RMST: variants seen among roughly 807,000 people sequenced by gnomAD.
RMST encodes long intergenic non-protein coding RNA 54.
intron 11 of RMST, among the ~76,000 whole-genome samples, chr12:97,552,999 A>G (rs1477010977): frequency 6.6e-6 from 1 of 152,184 alleles, no homozygotes; most frequent in Non-Finnish European, 1.5e-5. Context: ...GCCTACCAGC[A>G]TTTCAACACT....
intron 11 of RMST, among the ~76,000 whole-genome samples, chr12:97,548,687 A>T (rs1424965417): frequency 6.6e-6 from 1 of 152,058 alleles, no homozygotes; most frequent in African/African-American, 2.4e-5. Context: ...GCTAATTTTT[A>T]TATGGTAACT....
chr12:97,475,585 T>TG (rs1184891631), intron 5 of RMST, among the ~76,000 whole-genome samples: 10 of 119,840 alleles, frequency 8.3e-5, no homozygotes, highest in South Asian at 2.5e-4. Context: ...ATCTTTTTTT[T>TG]TGTTTTTTTT....
rs550301507 is a variant in RMST at position 97,512,398 on chromosome 12, C to G, written n.1340+16342C>G. ...CCGAGCCGGTTAACACTGCTGGCTC[C>G]GGCAGCCTGCTTTTATTCTCTTATC... On this transcript the variant is annotated intron_variant and non_coding_transcript_variant, in intron 10 of 13. Coordinates refer to ENST00000640149, the Ensembl canonical transcript of RMST. Among the ~76,000 whole-genome samples, 746 of 152,272 alleles carry G rather than the reference C, an allele frequency of 4.9e-3. 6 individuals are homozygous for G. The highest frequency in any genetic ancestry group is 0.017 in the African/African-American group (714 of 41,550).
chr12:97,546,347 C>T (rs1882929280), intron 11 of RMST, among the ~76,000 whole-genome samples: 1 of 152,004 alleles, frequency 6.6e-6, no homozygotes, highest in Non-Finnish European at 1.5e-5. Flanking sequence ...TTTGGGAGGC[C>T]AAAGTGGGTG....
At chr12:97,474,916 A>C (rs1219872595) in intron 5 of RMST, among the ~76,000 whole-genome samples, 2 of 152,186 alleles carry the variant, frequency 1.3e-5, no homozygotes, top group Non-Finnish European at 2.9e-5. Flanking sequence ...TCTTTGGTAC[A>C]TCTCCAGTGT....
At chr12:97,537,043 T>C (rs1297550418) in intron 11 of RMST, among the ~76,000 whole-genome samples, 2 of 151,584 alleles carry the variant, frequency 1.3e-5, no homozygotes, top group East Asian at 3.9e-4. Context: ...CTAAAGGGCA[T>C]TGTGTAGAAT....
intron 11 of RMST, among the ~76,000 whole-genome samples, chr12:97,550,656 G>A (rs1366127895): frequency 6.6e-6 from 1 of 151,950 alleles, no homozygotes; most frequent in Non-Finnish European, 1.5e-5. Flanking sequence ...ATTTCTGTAG[G>A]ATCTCTATTT....
chr12:97,506,689 T>C (rs951409085), intron 10 of RMST, among the ~76,000 whole-genome samples: 1 of 145,404 alleles, frequency 6.9e-6, no homozygotes, highest in African/African-American at 2.6e-5. Flanking sequence ...TTTTTTTTTT[T>C]TTTTTTTTTT....
chr12:97,552,258 C>A (rs184229705), intron 11 of RMST: 112 of 152,234 alleles, frequency 7.4e-4, no homozygotes, highest in Admixed American at 1.4e-3. Flanking sequence ...TTGATGTTTT[C>A]TTCCAGAACT....
chr12:97,483,685 C>T lies in RMST; in HGVS notation n.645-8776C>T, dbSNP rs140175970. Among the ~76,000 whole-genome samples, 544 of 152,184 alleles carry T rather than the reference C, an allele frequency of 3.6e-3. 4 individuals carry two copies. The highest frequency in any genetic ancestry group is 0.012 in the African/African-American group (505 of 41,532). ...TAAAAAATACTTGTAAAAATAATAGCTATATTGAAATTTAAATAGTGAAAA... is the reference window on the plus strand; with the variant it reads ...TAAAAAATACTTGTAAAAATAATAGTTATATTGAAATTTAAATAGTGAAAA... On this transcript the variant is annotated intron_variant and non_coding_transcript_variant, in intron 5 of 13. Transcript: ENST00000640149.
chr12:97,544,548 T>C (rs895874996), intron 11 of RMST, among the ~76,000 whole-genome samples: 5 of 152,044 alleles, frequency 3.3e-5, no homozygotes, highest in Non-Finnish European at 7.4e-5. Context: ...TTCAGGGGTG[T>C]ATTTGTGTAC....
chr12:97,495,626 G>A (rs1419792782), intron 9 of RMST, among the ~76,000 whole-genome samples: 1 of 152,020 alleles, frequency 6.6e-6, no homozygotes, highest in Non-Finnish European at 1.5e-5. Context: ...ATCCATGTCT[G>A]AGCAACGTGA....
intron 11 of RMST, among the ~76,000 whole-genome samples, chr12:97,547,057 C>T (rs1194657497): frequency 6.6e-6 from 1 of 151,710 alleles, no homozygotes; most frequent in Non-Finnish European, 1.5e-5. Flanking sequence ...GTTTGTCTTT[C>T]TGTGCCTGGC....
At chr12:97,500,209 A>G (rs919326521) in intron 10 of RMST, among the ~76,000 whole-genome samples, 4 of 152,176 alleles carry the variant, frequency 2.6e-5, no homozygotes, top group Non-Finnish European at 5.9e-5. Flanking sequence ...TAAGAGAAGA[A>G]ACGTCCGCTG....
intron 11 of RMST, among the ~76,000 whole-genome samples, chr12:97,555,067 C>T (rs1883602948): frequency 6.6e-6 from 1 of 152,142 alleles, no homozygotes. Flanking sequence ...TAAACCTTTG[C>T]AGGGTTGGAA....
chr12:97,563,939 A>G (rs938659114), intron 13 of RMST: 1 of 486,650 alleles, frequency 2.1e-6, no homozygotes, highest in African/African-American at 2.0e-5. Context: ...ATCAGTATAG[A>G]GAACGTTAGC....
At chr12:97,541,001 T>G (rs139578064) in intron 11 of RMST, among the ~76,000 whole-genome samples, 7 of 148,064 alleles carry the variant, frequency 4.7e-5, no homozygotes, top group African/African-American at 1.5e-4. Flanking sequence ...CAAGTCCTTT[T>G]TGTCCCAGGT....
rs138863256 is a variant in RMST at position 97,556,332 on chromosome 12, A to G, written n.1546-4205A>G. Among the ~76,000 whole-genome samples the G allele has an allele frequency of 8.5e-3, 1,290 of 152,282 alleles. 20 individuals are homozygous for G. The highest frequency in any genetic ancestry group is 0.029 in the African/African-American group (1,203 of 41,570). On this transcript the variant is annotated intron_variant and non_coding_transcript_variant, in intron 11 of 13. Transcript: ENST00000640149. ...TTCTGTGAGTCCAAATGCAGCAGAC[A>G]TACTCCCCTAGAAAGGAAGGGAGTC...
chr12:97,524,075 C>CAGAGAAAAAAAAAA (rs57255256), intron 10 of RMST, among the ~76,000 whole-genome samples: 846 of 56,112 alleles, frequency 0.015, 291 homozygotes, highest in Middle Eastern at 0.03. Context: ...GACTCTGTCT[C>CAGAGAAAAAAAAAA]AAAAAAAAAA....
Sources: allele counts gnomAD v4.1 joint callset (sites outside exome capture counted in the v4.1 genomes callset), GRCh38; gene constraint gnomAD v4.1.1; transcripts MANE v1.5; gene names NCBI Gene and HGNC (gene_info 2026-07-23, HGNC 2026-07-21).